Variants in OSBPL10 observed in about 807,000 individuals in gnomAD.
OSBPL10 encodes the protein oxysterol-binding protein-related protein 10.
In OSBPL10, 49 loss-of-function variants were observed where a neutral mutation model predicts 81.7. The ratio of observed to expected loss-of-function variants is 0.60; its 90% confidence interval spans 0.48 to 0.76. The LOEUF is 0.76. Ranked by LOEUF, OSBPL10 falls within the 30% of genes least tolerant of loss-of-function variation. The probability of loss-of-function intolerance (pLI) is 0.00; values close to 1 mark genes in which losing one functional copy is unlikely to be tolerated. For synonymous variants in OSBPL10, 419 were observed against 383.6 expected (o/e 1.09, Z -1.08); for missense variants, 923 against 987.8 (o/e 0.93, Z 0.88).
rs1699535563 is a variant in OSBPL10 at position 32,037,897 on chromosome 3, T to A, written n.298+8594A>T. Among the ~76,000 whole-genome samples the A allele has an allele frequency of 2.0e-5, 3 of 152,156 alleles. No homozygotes were observed. The South Asian group carries it at 6.2e-4, about 31-fold the overall frequency. On this transcript the variant is annotated intron_variant and non_coding_transcript_variant, in intron 2 of 3. Transcript: ENST00000479173. ...AGACTTCATATATCCTAGGAAAGAC[T>A]CTGCAACTTAAGGGAAAGGGAGCAT...
chr3:31,949,207 TC>T (rs2125441302), intron 1 of OSBPL10, among the ~76,000 whole-genome samples: 1 of 152,262 alleles, frequency 6.6e-6, no homozygotes, highest in East Asian at 1.9e-4. Flanking sequence ...ACATATTATT[TC>T]AGGAAGGATT....
chr3:31,805,411 C>T (rs529398851), intron 4 of OSBPL10, among the ~76,000 whole-genome samples: 1 of 152,104 alleles, frequency 6.6e-6, no homozygotes, highest in Admixed American at 6.5e-5. Flanking sequence ...GGGCTTCAAA[C>T]AGAAGATGGC....
At chr3:31,918,343 T>A (rs375819764) in intron 1 of OSBPL10, among the ~76,000 whole-genome samples, 33 of 128,366 alleles carry the variant, frequency 2.6e-4, no homozygotes, top group Admixed American at 1.4e-3. Context: ...TTTTTTTTTT[T>A]AAAGAGACAG....
chr3:32,033,810 C>A (rs1158547447), intron 2 of OSBPL10, among the ~76,000 whole-genome samples: 1 of 152,152 alleles, frequency 6.6e-6, no homozygotes, highest in Non-Finnish European at 1.5e-5. Context: ...TGCCTGTGAT[C>A]CCAGCATTTT....
At chr3:31,923,164 G>A (rs185536687) in intron 1 of OSBPL10, among the ~76,000 whole-genome samples, 17 of 152,288 alleles carry the variant, frequency 1.1e-4, no homozygotes, top group African/African-American at 4.1e-4. Context: ...AAGAGTCTCT[G>A]AAGGCAAGTA....
chr3:31,764,731 G>C (rs1314661199), intron 4 of OSBPL10, among the ~76,000 whole-genome samples: 2 of 152,142 alleles, frequency 1.3e-5, no homozygotes, highest in African/African-American at 4.8e-5. Context: ...AGCAAGGGTG[G>C]AGCATTTTAA....
At chr3:31,799,379 TAAAAAAAAAAAAAAA>T (rs61157535) in intron 4 of OSBPL10, among the ~76,000 whole-genome samples, 3 of 56,214 alleles carry the variant, frequency 5.3e-5, no homozygotes, top group African/African-American at 1.9e-4. Context: ...CCTATCTCTT[TAAAAAAAAAAAAAAA>T]AAAAAAAAAA....
chr3:31,793,371 A>G (rs1384309664), intron 4 of OSBPL10, among the ~76,000 whole-genome samples: 2 of 152,242 alleles, frequency 1.3e-5, no homozygotes, highest in East Asian at 3.8e-4. Context: ...CTCCTAGCAT[A>G]AATAATTTAT....
At chr3:31,668,963 C>A in intron 9 of OSBPL10, 139 bp from the exon 10 acceptor site, 1 of 669,252 alleles carries the variant, frequency 1.5e-6, no homozygotes, top group Non-Finnish European at 2.4e-6. Context: ...TGCTCAAAGA[C>A]TAGCTCTTAA....
chr3:31,753,042 G>C (rs1414453825), intron 4 of OSBPL10, among the ~76,000 whole-genome samples: 1 of 152,164 alleles, frequency 6.6e-6, no homozygotes, highest in East Asian at 1.9e-4. Context: ...GATGGCCTTG[G>C]TTTGGCATTT....
At chr3:31,857,824 G>GT (rs1311412388) in intron 3 of OSBPL10, among the ~76,000 whole-genome samples, 3 of 23,002 alleles carry the variant, frequency 1.3e-4, no homozygotes, top group East Asian at 3.0e-3. Flanking sequence ...GAAAGGGAGA[G>GT]GGAGAGGGAG....
chr3:32,071,666 C>G (rs144763572), intron 1 of OSBPL10, among the ~76,000 whole-genome samples: 1,947 of 152,318 alleles, frequency 0.013, 23 homozygotes, highest in East Asian at 0.1. Context: ...AACTCACTCT[C>G]TACAGTTCTC....
chr3:31,892,195 C>G (rs1223344317), intron 1 of OSBPL10, among the ~76,000 whole-genome samples: 1 of 151,648 alleles, frequency 6.6e-6, no homozygotes, highest in African/African-American at 2.4e-5. Context: ...GGAAGGAGCA[C>G]GTGTATGGCC....
At chr3:31,759,850 C>G (rs1246783588) in intron 4 of OSBPL10, among the ~76,000 whole-genome samples, 1 of 152,140 alleles carries the variant, frequency 6.6e-6, no homozygotes, top group Non-Finnish European at 1.5e-5. Context: ...ACCTCTGCCT[C>G]CTGGGTTCAA....
chr3:31,945,424 C>T (rs1460710555), intron 1 of OSBPL10, among the ~76,000 whole-genome samples: 1 of 152,174 alleles, frequency 6.6e-6, no homozygotes, highest in Non-Finnish European at 1.5e-5. Flanking sequence ...CGATCCAGCC[C>T]TCAAGCCCAC....
At chr3:31,666,824 T>G (rs1255295165) in intron 10 of OSBPL10, among the ~76,000 whole-genome samples, 2 of 152,186 alleles carry the variant, frequency 1.3e-5, no homozygotes, top group African/African-American at 4.8e-5. Context: ...GTTATGTGAA[T>G]GTATTCTCTC....
intron 2 of OSBPL10, among the ~76,000 whole-genome samples, chr3:32,012,219 G>T (rs1699266961): frequency 6.6e-6 from 1 of 152,194 alleles, no homozygotes; most frequent in Non-Finnish European, 1.5e-5. Flanking sequence ...ACAAAGGGAA[G>T]CCCATCAGAC....
Position 31,702,383 on chromosome 3 carries a change from G to C in OSBPL10, c.1221C>G (p.Leu407=), listed in dbSNP as rs1322162319. ...CCTTGGTCAAATCCATTCCAAGTTT[G>C]AGTTGTGAAATGAGATGAAGAATTA... ...RSIILHLISQ[L]KLGMDLTKVV... Residue 407 remains leucine, a synonymous_variant, in exon 7 of 12, where the codon CTC becomes CTG. Coordinates refer to ENST00000396556, the MANE Select transcript of OSBPL10 (RefSeq NM_017784.5). The C allele has an allele frequency of 6.2e-7, 1 of 1,614,052 alleles. No homozygotes were observed. The highest frequency in any genetic ancestry group is 1.3e-5 in the African/African-American group (1 of 74,906).
chr3:31,666,281 G>T lies in OSBPL10; in HGVS notation c.2097-2049C>A, dbSNP rs79527961. 3.7e-3 allele frequency among the ~76,000 whole-genome samples: 563 copies of T among 152,290 alleles called. 2 individuals are homozygous for T. The highest frequency in any genetic ancestry group is 0.013 in the African/African-American group (539 of 41,568). On this transcript the variant is annotated intron_variant, in intron 10 of 11. Coordinates refer to ENST00000396556, the MANE Select transcript of OSBPL10 (RefSeq NM_017784.5). ...GCTCAGACCAAGCTCTGGGCCTTGT[G>T]AGCAGACTTACAGGTATGGGAAGAC...
Sources: gnomAD v4.1 joint callset for allele counts (sites outside exome capture counted in the v4.1 genomes callset) on GRCh38, gnomAD v4.1.1 for gene constraint, MANE v1.5 for transcripts, NCBI Gene and HGNC (gene_info 2026-07-23, HGNC 2026-07-21) for gene names.